Variants in LRRC7 observed in about 807,000 individuals in gnomAD.
The protein encoded by LRRC7 is leucine-rich repeat-containing protein 7.
Under a neutral mutation model 175.7 loss-of-function variants are expected in LRRC7, and 23 were observed. The observed-to-expected ratio is 0.13, with a 90% CI of 0.09 to 0.19. The LOEUF (loss-of-function observed/expected upper bound fraction) is 0.19. LRRC7 is among the 10% of genes least tolerant of loss of function. The probability of loss-of-function intolerance (pLI) is 1.00; values close to 1 mark genes in which losing one functional copy is unlikely to be tolerated. For synonymous variants in LRRC7, 685 were observed against 680.9 expected (o/e 1.01, Z -0.09); for missense variants, 1,354 against 1,904.7 (o/e 0.71, Z 5.38).
chr1:69,707,413 A>T (rs965815189), intron 2 of LRRC7, among the ~76,000 whole-genome samples: 2 of 152,012 alleles, frequency 1.3e-5, no homozygotes, highest in Non-Finnish European at 2.9e-5. Context: ...CGCAGAATAG[A>T]GCCTCAGTTA....
chr1:69,980,280 A>G (rs1430780743), intron 8 of LRRC7, 99 bp from the exon 9 acceptor site: 6 of 1,056,664 alleles, frequency 5.7e-6, no homozygotes, highest in Non-Finnish European at 8.6e-6. Context: ...ATTCCCAAAT[A>G]AAAGCTCAAG....
intron 7 of LRRC7, among the ~76,000 whole-genome samples, chr1:69,893,043 C>T (rs1464528937): frequency 3.9e-5 from 6 of 152,108 alleles, no homozygotes; most frequent in Admixed American, 1.3e-4. Context: ...TGCTTATTCT[C>T]TTGAGGTGTT....
At chr1:69,999,105 A>G (rs763297551) in intron 11 of LRRC7, among the ~76,000 whole-genome samples, 13 of 152,202 alleles carry the variant, frequency 8.5e-5, no homozygotes, top group South Asian at 2.1e-4. Flanking sequence ...CTTAGTTTCT[A>G]TGTTACCACC....
chr1:69,633,019 T>C (rs1331450188), intron 1 of LRRC7, among the ~76,000 whole-genome samples: 2 of 152,198 alleles, frequency 1.3e-5, no homozygotes, highest in Middle Eastern at 3.5e-3. Context: ...GTATTTACAA[T>C]TGTACTATTG....
chr1:69,993,144 C>G (rs754249226), intron 10 of LRRC7, among the ~76,000 whole-genome samples: 9 of 152,112 alleles, frequency 5.9e-5, no homozygotes, highest in African/African-American at 9.7e-5. Flanking sequence ...TCTGGAGAAG[C>G]TAAAATGATT....
chr1:69,835,781 G>A (rs115197506), intron 6 of LRRC7, among the ~76,000 whole-genome samples: 11 of 151,766 alleles, frequency 7.2e-5, no homozygotes, highest in Non-Finnish European at 1.6e-4. Context: ...TAGGATATTG[G>A]TTAAATATAT....
In LRRC7 at chr1:70,038,571, T is replaced by C. The variant is rs1050296539; in HGVS notation, c.2747T>C (p.Ile916Thr). 2 of 1,614,062 alleles carry C rather than the reference T, an allele frequency of 1.2e-6. No homozygotes were observed. The highest frequency in any genetic ancestry group is 1.1e-5 in the South Asian group (1 of 91,078). The change falls in exon 21 of 27, where the codon ATA (isoleucine) becomes ACA (threonine). Residue 916 changes from isoleucine to threonine, a missense_variant. Transcript: ENST00000651989. Reference protein sequence around the residue: ...TSPLPERKEHIKESTEIPSPF... With the variant: ...TSPLPERKEHTKESTEIPSPF... Reference sequence around the variant, plus strand: ...CCATTGCCTGAAAGGAAAGAACATATAAAGGAATCTACTGAAATACCTAGT... The same window carrying C: ...CCATTGCCTGAAAGGAAAGAACATACAAAGGAATCTACTGAAATACCTAGT...
chr1:69,613,046 C>T (rs1649035958), intron 1 of LRRC7, among the ~76,000 whole-genome samples: 1 of 152,028 alleles, frequency 6.6e-6, no homozygotes, highest in Non-Finnish European at 1.5e-5. Context: ...TTGCCTACCC[C>T]ACCCATCTTC....
At chr1:69,900,856 T>G (rs1167420563) in intron 7 of LRRC7, among the ~76,000 whole-genome samples, 1 of 152,162 alleles carries the variant, frequency 6.6e-6, no homozygotes, top group Non-Finnish European at 1.5e-5. Flanking sequence ...AGCTTTAATC[T>G]CATGACCTCC....
At chr1:70,070,250 T>C (rs1662281612) in intron 23 of LRRC7, among the ~76,000 whole-genome samples, 1 of 152,148 alleles carries the variant, frequency 6.6e-6, no homozygotes, top group Non-Finnish European at 1.5e-5. Context: ...CTGCCTCGGC[T>C]TCCCAAAGTG....
At chr1:70,100,960 T>C (rs1329755636) in intron 25 of LRRC7, among the ~76,000 whole-genome samples, 1 of 152,170 alleles carries the variant, frequency 6.6e-6, no homozygotes, top group Non-Finnish European at 1.5e-5. Context: ...TTTTGATTCC[T>C]GGAGAGGAGC....
chr1:70,023,197 C>G lies in LRRC7; in HGVS notation c.1617C>G (p.Gly539=). The G allele has an allele frequency of 6.3e-7, 1 of 1,588,846 alleles. No homozygotes were observed. Among genetic ancestry groups the G allele is most frequent in the Non-Finnish European group, 8.6e-7 (1 of 1,164,534 alleles). Residue 539 remains glycine (G), a synonymous_variant, in exon 17 of 27, where the codon GGC becomes GGG. Coordinates refer to ENST00000651989, the MANE Select transcript of LRRC7 (RefSeq NM_001370785.2). ...CTCTCCAACCTGCCAGACTGTCTGG[C>G]GATTGCTGCACACCATGGGCCAGGT... The part of the protein sequence containing the change: ...GITLQPARLS[G]DCCTPWARCD...
chr1:70,064,989 T>G, intron 23 of LRRC7, among the ~76,000 whole-genome samples: 1 of 151,954 alleles, frequency 6.6e-6, no homozygotes, highest in Admixed American at 6.6e-5. Flanking sequence ...ACATAGTACA[T>G]CAAACTTCTT....
intron 23 of LRRC7, among the ~76,000 whole-genome samples, chr1:70,061,417 AG>A (rs1174830470): frequency 1.3e-5 from 2 of 152,092 alleles, no homozygotes; most frequent in Admixed American, 6.6e-5. Context: ...AGCAGTATAA[AG>A]GCTGCATTGG....
rs561530217 is a variant in LRRC7, at chr1:69,941,432, CAGTT to C, written c.711+9865_711+9868del. Among the ~76,000 whole-genome samples the C allele has an allele frequency of 2.0e-3, 305 of 152,014 alleles. 1 individual carries two copies. Among genetic ancestry groups the C allele is most frequent in the African/African-American group, 7.1e-3 (294 of 41,478 alleles). Reference sequence around the variant, plus strand: ...AGTGTCAAGGTAGAGTCAGGGAAAACAGTTAGAAAGTTATTGCAGTAATCTAGGC... The same window carrying C: ...AGTGTCAAGGTAGAGTCAGGGAAAACAGAAAGTTATTGCAGTAATCTAGGC... On this transcript the variant is annotated intron_variant, in intron 8 of 26. Coordinates refer to ENST00000651989, the MANE Select transcript of LRRC7 (RefSeq NM_001370785.2).
intron 4 of LRRC7, among the ~76,000 whole-genome samples, chr1:69,804,534 A>T (rs893537421): frequency 2.0e-5 from 3 of 151,638 alleles, no homozygotes; most frequent in African/African-American, 7.2e-5. Flanking sequence ...ATTAACATTG[A>T]ACTTTCTAAA....
In LRRC7 at chr1:70,066,707, G is replaced by T. The variant is rs1016739415; in HGVS notation, c.4231-9370G>T. On this transcript the variant is annotated intron_variant, in intron 23 of 26. Transcript: ENST00000651989. Reference sequence around the variant, plus strand: ...TATAAACATCTGTGCGCACCTTTTTGTGTGAACCTAAGTCTTCATAAGTCT... The same window carrying T: ...TATAAACATCTGTGCGCACCTTTTTTTGTGAACCTAAGTCTTCATAAGTCT... 4.6e-5 allele frequency among the ~76,000 whole-genome samples: 7 copies of T among 152,148 alleles called. No individual in the cohort carries two copies. In the South Asian group the frequency reaches 1.0e-3, roughly 23 times the overall value.
chr1:70,142,004 C>A lies in LRRC7; in HGVS notation c.*20117C>A, dbSNP rs551076518. On this transcript the variant is annotated 3_prime_UTR_variant, in exon 27 of 27. Transcript: ENST00000651989. ...CTTTGTATCTCTCCATTCCTCTTAC[C>A]CTTCCCCAACCCTCTACTAAAGAAT... 1 of 152,088 alleles carries A rather than the reference C, an allele frequency of 6.6e-6. No individual in the cohort carries two copies. The highest frequency in any genetic ancestry group is 2.4e-5 in the African/African-American group (1 of 41,498). The allele number at this position is 152,088 out of a possible 1,614,324, so 9.4% of individuals were successfully genotyped here. A position where few individuals can be genotyped will look rare whatever the true frequency, so the allele number is the denominator to read the frequency against.
chr1:69,955,516 C>T (rs1302765691), intron 8 of LRRC7, among the ~76,000 whole-genome samples: 1 of 151,930 alleles, frequency 6.6e-6, no homozygotes, highest in East Asian at 1.9e-4. Context: ...AATGGAAAGG[C>T]AGGTGGCTAG....
Sources: gnomAD v4.1 joint callset for allele counts (sites outside exome capture counted in the v4.1 genomes callset) on GRCh38, gnomAD v4.1.1 for gene constraint, MANE v1.5 for transcripts, NCBI Gene and HGNC (gene_info 2026-07-23, HGNC 2026-07-21) for gene names.